The following SPTBN1 variants were observed in gnomAD, a reference collection of about 807,000 sequenced individuals.
SPTBN1 encodes spectrin beta chain, non-erythrocytic 1.
SPTBN1 carries 32 observed loss-of-function variants against 266.4 expected under a neutral mutation model. The observed-to-expected ratio is 0.12, with a 90% confidence interval of 0.09 to 0.16. The LOEUF (loss-of-function observed/expected upper bound fraction) is 0.16. Ranked by LOEUF, SPTBN1 falls within the 10% of genes least tolerant of loss-of-function variation. SPTBN1 has a pLI of 1.00. For missense variants in SPTBN1, 2,296 were observed against 3,067.1 expected, an observed-to-expected ratio of 0.75 and a Z score of 5.94; for synonymous variants, 1,336 against 1,162.2, an observed-to-expected ratio of 1.15 and a Z score of -3.04.
intron 12 of SPTBN1, among the ~76,000 whole-genome samples, chr2:54,627,232 C>T (rs1477995698): frequency 6.6e-6 from 1 of 152,160 alleles, no homozygotes; most frequent in East Asian, 1.9e-4. Flanking sequence ...TCTGGTCTCT[C>T]TTGACCTCTC....
At chr2:54,458,352 C>T (rs934787517) in intron 1 of SPTBN1, among the ~76,000 whole-genome samples, 1 of 152,028 alleles carries the variant, frequency 6.6e-6, no homozygotes, top group Non-Finnish European at 1.5e-5. Context: ...TTGTTTTCAT[C>T]GTTTGCTTTT....
chr2:54,661,879 T>A (rs1007287336), intron 32 of SPTBN1: 1 of 985,322 alleles, frequency 1.0e-6, no homozygotes, highest in Non-Finnish European at 1.2e-6. Flanking sequence ...GCATTTGCTA[T>A]CATGCCTATT....
chr2:54,628,401 C>T lies in SPTBN1; in HGVS notation c.1798+151C>T. ...AAATACGGTGGAGTGGCCTTCTGAA[C>T]ACTAACTCCATCTTGTTTTTCTGGA... On this transcript the variant is annotated intron_variant, in intron 13 of 35. Transcript: ENST00000356805. The surrounding 1 kb of genome is among the most constrained non-coding windows in gnomAD (Gnocchi z 4.3). 4.1e-6 allele frequency: 4 copies of T among 982,760 alleles called. No individual in the cohort carries two copies. Among genetic ancestry groups the T allele is most frequent in the Non-Finnish European group, 4.2e-6 (3 of 709,560 alleles). The allele number at this position is 982,760 out of a possible 1,614,324, so 60.9% of individuals were successfully genotyped here.
intron 1 of SPTBN1, among the ~76,000 whole-genome samples, chr2:54,509,317 G>C (rs939665889): frequency 6.6e-6 from 1 of 152,222 alleles, no homozygotes; most frequent in African/African-American, 2.4e-5. Context: ...AGGAACAATG[G>C]TAACTGTGGG....
intron 1 of SPTBN1, among the ~76,000 whole-genome samples, chr2:54,486,028 G>A (rs574469384): frequency 6.6e-6 from 1 of 151,294 alleles, no homozygotes; most frequent in Non-Finnish European, 1.5e-5. Context: ...GGGCGCCTCT[G>A]CCCGGCCGCC....
intron 2 of SPTBN1, among the ~76,000 whole-genome samples, chr2:54,586,791 G>T (rs929502287): frequency 6.6e-6 from 1 of 152,178 alleles, no homozygotes; most frequent in Non-Finnish European, 1.5e-5. Context: ...AGAGCTGTCG[G>T]AAACTGTCAA....
intron 1 of SPTBN1, among the ~76,000 whole-genome samples, chr2:54,478,910 A>T (rs911200912): frequency 4.4e-5 from 6 of 136,598 alleles, no homozygotes; most frequent in Non-Finnish European, 9.8e-5. Flanking sequence ...GTGTATATAT[A>T]TGTGTATATA....
rs781487722 is a variant in SPTBN1 at position 54,558,787 on chromosome 2, G to A, written c.148+32221G>A. On this transcript the variant is annotated intron_variant, in intron 2 of 35. Coordinates refer to ENST00000356805, the MANE Select transcript of SPTBN1 (RefSeq NM_003128.3). This position sits in a 1 kb window ranked among gnomAD's most constrained non-coding sequence, Gnocchi z 4.6. The stretch of plus-strand genomic sequence containing the variant: ...GCGTTACGCCGGGCATAATGGAATT[G>A]CAGAGGACGTCTAGTATCTCCGGGC... The A allele has an allele frequency of 5.0e-6, 8 of 1,613,248 alleles. No homozygotes were observed. In the South Asian group the frequency reaches 7.7e-5, roughly 16 times the overall value.
chr2:54,644,546 A>G lies in SPTBN1; in HGVS notation c.4229A>G (p.Lys1410Arg), dbSNP rs777156545. The change falls in exon 20 of 36, where the codon AAA (lysine) becomes AGA (arginine). Residue 1410 changes from lysine (K) to arginine (R), a missense_variant. Physicochemically the swap from Lys to Arg is conservative, Grantham distance 26. Transcript: ENST00000356805. ...CAGATTCAGTCTGATGACTATGGCA[A>G]AGACCTGACCAGTGTCAATATCCTG... ...ESQIQSDDYG[K>R]DLTSVNILLK... The G allele has an allele frequency of 1.9e-6, 3 of 1,613,552 alleles. No homozygotes were observed. The highest frequency in any genetic ancestry group is 1.1e-5 in the South Asian group (1 of 91,076).
rs1343207944 is a variant in SPTBN1 at position 54,533,926 on chromosome 2, ACG to A, written c.148+7362_148+7363del. Reference sequence around the variant, plus strand: ...CACACACACACACACACACACACACACGCACGCACGCACACAAACACACACAC... The same window carrying A: ...CACACACACACACACACACACACACACACGCACGCACACAAACACACACAC... On this transcript the variant is annotated intron_variant, in intron 2 of 35. Coordinates refer to ENST00000356805, the MANE Select transcript of SPTBN1 (RefSeq NM_003128.3). This position sits in a 1 kb window ranked among gnomAD's most constrained non-coding sequence, Gnocchi z 4.2. 2.1e-5 allele frequency among the ~76,000 whole-genome samples: 3 copies of A among 144,274 alleles called. No homozygotes were observed. Among genetic ancestry groups the A allele is most frequent in the Admixed American group, 6.8e-5 (1 of 14,662 alleles). The allele number at this position is 144,274 out of a possible 152,430, so 94.6% of individuals were successfully genotyped here. A position where few individuals can be genotyped will look rare whatever the true frequency, so the allele number is the denominator to read the frequency against.
At chr2:54,474,722 A>G (rs1229279426) in intron 1 of SPTBN1, among the ~76,000 whole-genome samples, 1 of 152,228 alleles carries the variant, frequency 6.6e-6, no homozygotes, top group Non-Finnish European at 1.5e-5. Flanking sequence ...CAAAAGGGAT[A>G]AGGAAATACT....
At chr2:54,546,585 A>T (rs1314384235) in intron 2 of SPTBN1, 4 of 152,208 alleles carry the variant, frequency 2.6e-5, no homozygotes, top group African/African-American at 4.8e-5. Context: ...GAACAATTTC[A>T]TGAAGGTTGG....
intron 1 of SPTBN1, among the ~76,000 whole-genome samples, chr2:54,489,640 A>G (rs1668581853): frequency 6.6e-6 from 1 of 152,218 alleles, no homozygotes; most frequent in African/African-American, 2.4e-5. Context: ...TGGAGGTTGC[A>G]GTGAGCTGAG....
At chr2:54,564,042 G>C (rs966257255) in intron 2 of SPTBN1, among the ~76,000 whole-genome samples, 7 of 152,146 alleles carry the variant, frequency 4.6e-5, no homozygotes, top group African/African-American at 1.7e-4. Flanking sequence ...GGATCATGGC[G>C]CCCAAATAAC....
chr2:54,520,278 A>G (rs992381646), intron 1 of SPTBN1: 2 of 152,192 alleles, frequency 1.3e-5, no homozygotes, highest in African/African-American at 2.4e-5. Flanking sequence ...TGTTCCAGGT[A>G]TTGACTTTAC....
Position 54,629,291 on chromosome 2 carries a change from C to T in SPTBN1, c.2157C>T (p.Ile719=). The stretch of plus-strand genomic sequence containing the variant: ...GGTCGGAGAAGATCCGTGAGAGGAT[C>T]ATTTACATCCGGGAGCAGTGGGCCA... ...HFGSEKIRER[I]IYIREQWANL... Residue 719 remains isoleucine, a synonymous_variant, in exon 14 of 36, where the codon ATC becomes ATT. Transcript: ENST00000356805. 1 of 1,614,056 alleles carries T rather than the reference C, an allele frequency of 6.2e-7. No homozygotes were observed. The highest frequency in any genetic ancestry group is 1.3e-5 in the African/African-American group (1 of 75,068).
At chr2:54,525,087 G>C (rs905864933) in intron 1 of SPTBN1, among the ~76,000 whole-genome samples, 1 of 152,152 alleles carries the variant, frequency 6.6e-6, no homozygotes, top group South Asian at 2.1e-4. Context: ...CACAGAGTAC[G>C]TAGTAAGTCT....
chr2:54,659,400 T>A, intron 31 of SPTBN1, 134 bp downstream of exon 31: 1 of 837,736 alleles, frequency 1.2e-6, no homozygotes, highest in South Asian at 1.6e-5. Flanking sequence ...ATAGACTGTT[T>A]AAAGGCTGTA....
intron 32 of SPTBN1, chr2:54,660,674 A>G (rs2104217984): frequency 1.0e-6 from 1 of 985,398 alleles, no homozygotes; most frequent in South Asian, 4.7e-5. Flanking sequence ...ACATTTTGAG[A>G]CCCTTGGGTC....
Sources: allele counts gnomAD v4.1 joint callset (sites outside exome capture counted in the v4.1 genomes callset), GRCh38; gene constraint gnomAD v4.1.1; non-coding constraint Gnocchi (gnomAD v3.1); transcripts MANE v1.5; gene names NCBI Gene and HGNC (gene_info 2026-07-23, HGNC 2026-07-21).